ALG1L2: variants seen among roughly 807,000 people sequenced by gnomAD.
ALG1L2 encodes putative glycosyltransferase ALG1L2.
A neutral mutation model predicts 29.0 loss-of-function variants in ALG1L2; 32 were observed. That is an observed-to-expected ratio of 1.10 (90% confidence interval 0.83 to 1.48). The LOEUF is 1.48. Among genes scored for constraint, ALG1L2 ranks in the 40% most tolerant of loss-of-function variants. The pLI is 0.00. For synonymous variants in ALG1L2, 110 were observed against 109.5 expected, an observed-to-expected ratio of 1.00 and a Z score of -0.03; for missense variants, 318 against 274.1, an observed-to-expected ratio of 1.16 and a Z score of -1.13.
rs561629397 is a variant in ALG1L2, at chr3:130,096,385, A to G, written c.539+222A>G. 1.6e-3 allele frequency among the ~76,000 whole-genome samples: 242 copies of G among 152,256 alleles called. 1 individual carries two copies. The highest frequency in any genetic ancestry group is 5.1e-3 in the African/African-American group (212 of 41,548). ...CTCATGTTACATTTAGGTTGGTACAAAAGTAATCACGGTTTTTGCCATTAA... is the reference window on the plus strand; with the variant it reads ...CTCATGTTACATTTAGGTTGGTACAGAAGTAATCACGGTTTTTGCCATTAA... On this transcript the variant is annotated intron_variant, in intron 6 of 7. Coordinates refer to ENST00000425059, the MANE Select transcript of ALG1L2 (RefSeq NM_001136152.1).
chr3:130,088,030 G>C (rs1023897492), intron 1 of ALG1L2, among the ~76,000 whole-genome samples: 1 of 152,310 alleles, frequency 6.6e-6, no homozygotes, highest in Non-Finnish European at 1.5e-5. Flanking sequence ...GGGACTTTCT[G>C]AGCCCCCATG....
chr3:130,088,148 G>A (rs185529040), intron 1 of ALG1L2, among the ~76,000 whole-genome samples: 117 of 152,378 alleles, frequency 7.7e-4, no homozygotes, highest in East Asian at 7.7e-4. Flanking sequence ...GAGACGTTGC[G>A]TCAGATCCCT....
intron 7 of ALG1L2, among the ~76,000 whole-genome samples, chr3:130,097,787 G>A (rs1935175253): frequency 6.6e-6 from 1 of 152,198 alleles, no homozygotes; most frequent in East Asian, 1.9e-4. Flanking sequence ...GTAGATTAAG[G>A]GGTGTGGCTT....
chr3:130,085,335 A>G (rs1445802974), intron 1 of ALG1L2, among the ~76,000 whole-genome samples: 1 of 123,150 alleles, frequency 8.1e-6, no homozygotes, highest in Non-Finnish European at 1.8e-5. Flanking sequence ...GCCTCAAGTG[A>G]TCCTCCTGCC....
intron 4 of ALG1L2, 147 bp from the exon 5 acceptor site, chr3:130,094,256 G>C (rs1935082151): frequency 2.0e-6 from 2 of 1,014,158 alleles, no homozygotes; most frequent in East Asian, 2.5e-5. Flanking sequence ...GTTGCTTCTG[G>C]AAAGGCCCAG....
In ALG1L2 at chr3:130,092,134, G is replaced by A. The variant is rs759467913; in HGVS notation, c.165G>A (p.Ser55=). The A allele has an allele frequency of 3.3e-5, 54 of 1,613,526 alleles. No homozygotes were observed. Among genetic ancestry groups the A allele is most frequent in the African/African-American group, 4.0e-5 (3 of 74,916 alleles). ...CTGAGGACCCAGACACAGAGCGGTCGGCCTTCACGGAGCGGGATTCTGGGA... is the reference window on the plus strand; with the variant it reads ...CTGAGGACCCAGACACAGAGCGGTCAGCCTTCACGGAGCGGGATTCTGGGA... ...SEPEDPDTER[S]AFTERDSGSG... The change falls in exon 3 of 8, where the codon TCG becomes TCA. Residue 55 remains serine (S), a synonymous_variant. Transcript: ENST00000425059.
intron 6 of ALG1L2, among the ~76,000 whole-genome samples, chr3:130,096,664 A>C (rs554317888): frequency 0.014 from 2,104 of 152,044 alleles, 32 homozygotes; most frequent in African/African-American, 0.032. Flanking sequence ...GGAAGGGTGG[A>C]GTTAGAGGAG....
intron 6 of ALG1L2, 106 bp from the exon 7 acceptor site, chr3:130,097,068 AC>A (rs1935154853): frequency 1.3e-6 from 2 of 1,531,080 alleles, no homozygotes; most frequent in Non-Finnish European, 8.8e-7. Context: ...CCCTGTTCCA[AC>A]CCCCAGCCTG....
intron 1 of ALG1L2, chr3:130,090,594 C>A (rs570104217): frequency 2.0e-5 from 3 of 152,552 alleles, no homozygotes; most frequent in South Asian, 4.1e-4. Flanking sequence ...ACTTAATAGT[C>A]AACACTGCCT....
At chr3:130,097,340 G>C in intron 7 of ALG1L2, 90 bp downstream of exon 7, 1 of 1,546,550 alleles carries the variant, frequency 6.5e-7, no homozygotes, top group Non-Finnish European at 8.7e-7. Flanking sequence ...ACACAGCCAG[G>C]GTGGGACCAT....
intron 5 of ALG1L2, among the ~76,000 whole-genome samples, chr3:130,095,776 C>T (rs999768651): frequency 3.9e-5 from 6 of 152,124 alleles, no homozygotes; most frequent in African/African-American, 1.4e-4. Flanking sequence ...TGCCACTGCA[C>T]TCCAGCCTGG....
intron 6 of ALG1L2, among the ~76,000 whole-genome samples, chr3:130,096,750 G>C (rs1009707966): frequency 5.9e-5 from 9 of 152,206 alleles, no homozygotes; most frequent in African/African-American, 2.2e-4. Flanking sequence ...ATGGGATTCA[G>C]GGATGTGAGC....
chr3:130,096,028 C>T (rs773363547), intron 5 of ALG1L2, 21 bp from the exon 6 acceptor site: 18 of 1,600,278 alleles, frequency 1.1e-5, no homozygotes, highest in South Asian at 5.6e-5. Flanking sequence ...GCGCTCTGGC[C>T]ACACCCCTCT....
chr3:130,094,263 C>G, intron 4 of ALG1L2, 140 bp from the exon 5 acceptor site: 2 of 1,098,266 alleles, frequency 1.8e-6, no homozygotes, highest in Admixed American at 4.0e-5. Flanking sequence ...CTGGAAAGGC[C>G]CAGATAGGGC....
intron 6 of ALG1L2, among the ~76,000 whole-genome samples, 180 bp from the exon 7 acceptor site, chr3:130,096,995 C>CG (rs1393059619): frequency 3.2e-5 from 4 of 124,024 alleles, no homozygotes; most frequent in African/African-American, 1.4e-4. Flanking sequence ...TGATGTGCAC[C>CG]CCCCCCAGGC....
At chr3:130,092,255 T>G in intron 3 of ALG1L2, 33 bp downstream of exon 3, 2 of 1,599,898 alleles carry the variant, frequency 1.3e-6, no homozygotes, top group African/African-American at 2.7e-5. Context: ...TTGGGGTTGG[T>G]GTGAAGGGCA....
At chr3:130,082,686 C>T (rs1429197212) in intron 1 of ALG1L2, among the ~76,000 whole-genome samples, 3 of 148,010 alleles carry the variant, frequency 2.0e-5, no homozygotes, top group Non-Finnish European at 4.6e-5. Context: ...AGAACACGTG[C>T]GTGGGCAGAC....
chr3:130,094,383 G>T lies in ALG1L2; in HGVS notation c.314-20G>T. The T allele has an allele frequency of 1.3e-6, 2 of 1,589,830 alleles. No homozygotes were observed. Among genetic ancestry groups the T allele is most frequent in the Non-Finnish European group, 1.7e-6 (2 of 1,173,722 alleles). ...GGGACAGAGACGGGTTCATGGCAGTGTCTGCTCTTCTCTGTGAAGGCAAAG... is the reference window on the plus strand; with the variant it reads ...GGGACAGAGACGGGTTCATGGCAGTTTCTGCTCTTCTCTGTGAAGGCAAAG... On this transcript the variant is annotated intron_variant, in intron 4 of 7. Coordinates refer to ENST00000425059, the MANE Select transcript of ALG1L2 (RefSeq NM_001136152.1).
At chr3:130,095,413 TTATTA>T (rs1935108912) in intron 5 of ALG1L2, among the ~76,000 whole-genome samples, 3 of 17,982 alleles carry the variant, frequency 1.7e-4, no homozygotes, top group Admixed American at 2.1e-3. Context: ...CTGTGGTTTA[TTATTA>T]TTATTATTAT....
Sources: gnomAD v4.1 joint callset for allele counts (sites outside exome capture counted in the v4.1 genomes callset) on GRCh38, gnomAD v4.1.1 for gene constraint, MANE v1.5 for transcripts, NCBI Gene and HGNC (gene_info 2026-07-23, HGNC 2026-07-21) for gene names.